The following RBM41 variants were observed in gnomAD, a reference collection of about 807,000 sequenced individuals.
RBM41 encodes RNA-binding protein 41.
Under a neutral mutation model 30.8 loss-of-function variants are expected in RBM41, and 14 were observed. The observed-to-expected ratio is 0.45, with a 90% confidence interval of 0.30 to 0.71. The LOEUF (loss-of-function observed/expected upper bound fraction) is 0.71, where lower values mean the gene tolerates loss of function less well. RBM41 is among the 30% of genes least tolerant of loss of function. RBM41 has a pLI of 0.08. For synonymous variants in RBM41, 120 were observed against 110.1 expected (o/e 1.09, Z -0.56); for missense variants, 276 against 326.3 (o/e 0.85, Z 1.19).
intron 2 of RBM41, 70 bp downstream of exon 2, chrX:107,116,580 G>A: frequency 8.6e-7 from 1 of 1,169,403 alleles, no homozygotes; most frequent in South Asian, 2.0e-5. Context: ...TTCCATCTAG[G>A]CTTTAAGAGA....
chrX:107,069,478 A>C (rs972797180), intron 6 of RBM41, 76 bp from the exon 7 acceptor site: 62 of 1,053,682 alleles, frequency 5.9e-5, no homozygotes, highest in Non-Finnish European at 7.7e-5. Context: ...TTTTTGAGAC[A>C]AAGTCTCACT....
chrX:107,113,390 G>T lies in RBM41; in HGVS notation c.595+7C>A. On this transcript the variant is annotated splice_region_variant and intron_variant, in intron 5 of 7. Coordinates refer to ENST00000685964, the MANE Select transcript of RBM41 (RefSeq NM_001324242.2). ...AGTCTAACACTATAAGAAAACTCTC[G>T]ACTTGCCTTTTGTGCCTAATTTTAT... is the stretch of plus-strand genomic sequence containing the variant. 1 of 982,200 alleles carries T rather than the reference G, an allele frequency of 1.0e-6. No homozygotes were observed. The highest frequency in any genetic ancestry group is 1.3e-6 in the Non-Finnish European group (1 of 755,869). The allele number at this position is 982,200 out of a possible 1,213,427, so 80.9% of individuals were successfully genotyped here. A position where few individuals can be genotyped will look rare whatever the true frequency, so the allele number is the denominator to read the frequency against.
intron 1 of RBM41, 110 bp downstream of exon 1, chrX:107,118,656 C>T (rs1185099618): frequency 9.8e-7 from 1 of 1,020,336 alleles, no homozygotes; most frequent in Non-Finnish European, 1.4e-6. Context: ...CCCACGAAAC[C>T]GCATCCTGAG....
At position 107,063,841 on chromosome X, in the gene RBM41, C is replaced by A. The variant is rs1242167362; in HGVS notation, c.*3686G>T. On this transcript the variant is annotated 3_prime_UTR_variant, in exon 8 of 8. Transcript: ENST00000685964. Reference sequence around the variant, plus strand: ...TTTTCTTCACTCTATTTCATTTATTCTCATCTAATCTTTTATATTTCCTTC... The same window carrying A: ...TTTTCTTCACTCTATTTCATTTATTATCATCTAATCTTTTATATTTCCTTC... Among the ~76,000 whole-genome samples, 2 of 110,543 alleles carry A rather than the reference C, an allele frequency of 1.8e-5. No homozygotes were observed. Among genetic ancestry groups the A allele is most frequent in the African/African-American group, 6.6e-5 (2 of 30,398 alleles).
the RBM41 span, among the ~76,000 whole-genome samples, chrX:107,053,471 G>C: frequency 8.8e-6 from 1 of 113,196 alleles, no homozygotes; most frequent in East Asian, 2.8e-4. Flanking sequence ...GAAACAAGAG[G>C]TCCTACTAAA....
rs902767078 is a variant in RBM41, at chrX:107,067,539, A to G, written c.1302T>C (p.Ile434=). 1 of 1,204,427 alleles carries G rather than the reference A, an allele frequency of 8.3e-7. No homozygotes were observed. The highest frequency in any genetic ancestry group is 1.1e-6 in the Non-Finnish European group (1 of 891,886). Reference sequence around the variant, plus strand: ...ATTTATATATATTCTAGCTACCACTAATTTCTGTAGTGCTACCTGTAGCAC... The same window carrying G: ...ATTTATATATATTCTAGCTACCACTGATTTCTGTAGTGCTACCTGTAGCAC... ...ISCATGSTTE[I]SGS is the part of the protein sequence containing the mutation. Residue 434 remains isoleucine (I), a synonymous_variant, in exon 8 of 8, where the codon ATT becomes ATC. Transcript: ENST00000685964.
rs150637826 is a variant in RBM41, at chrX:107,116,798, C to T, written c.9-32G>A. The stretch of plus-strand genomic sequence containing the variant: ...TAGACATAAGAATATATACAGAAAA[C>T]GGAAGAGACTGTGAGTCTCAAAATA... On this transcript the variant is annotated intron_variant, in intron 1 of 7. Transcript: ENST00000685964. 7.6e-3 allele frequency: 8,793 copies of T among 1,158,714 alleles called. 426 individuals carry two copies. The African/African-American group carries it at 0.14, about 18-fold the overall frequency.
intron 5 of RBM41, among the ~76,000 whole-genome samples, chrX:107,098,145 C>CATTAAAGG (rs1228158039): frequency 5.4e-5 from 6 of 111,525 alleles, no homozygotes; most frequent in Non-Finnish European, 1.1e-4. Flanking sequence ...TACTGAAAGT[C>CATTAAAGG]ATTAAAGGAT....
rs1935853276 is a variant in RBM41 at position 107,066,714 on chromosome X, C to T, written c.*813G>A. ...TTTTCCAGCAACCATAAACAAACAA[C>T]TGGGGGATTTGTGACTGGCATCCTC... is the stretch of plus-strand genomic sequence containing the variant. On this transcript the variant is annotated 3_prime_UTR_variant, in exon 8 of 8. Coordinates refer to ENST00000685964, the MANE Select transcript of RBM41 (RefSeq NM_001324242.2). 1.3e-6 allele frequency: 1 copy of T among 753,215 alleles called. No homozygotes were observed. The highest frequency in any genetic ancestry group is 1.6e-6 in the Non-Finnish European group (1 of 638,476). 62.1% of individuals were successfully genotyped at this position (753,215 alleles called of 1,213,427 possible). A position where few individuals can be genotyped will look rare whatever the true frequency, so the allele number is the denominator to read the frequency against.
At chrX:107,078,722 C>T (rs1921223920) in intron 6 of RBM41, among the ~76,000 whole-genome samples, 1 of 109,280 alleles carries the variant, frequency 9.2e-6, no homozygotes, top group Admixed American at 9.7e-5. Context: ...GAAATATCCC[C>T]AATGTCAAAA....
chrX:107,065,618 G>C lies in RBM41; in HGVS notation c.*1909C>G. The C allele has an allele frequency of 4.0e-6, 2 of 504,662 alleles. No individual in the cohort carries two copies. The highest frequency in any genetic ancestry group is 5.9e-6 in the Non-Finnish European group (2 of 337,780). 41.6% of individuals were successfully genotyped at this position (504,662 alleles called of 1,213,427 possible). A position where few individuals can be genotyped will look rare whatever the true frequency, so the allele number is the denominator to read the frequency against. On this transcript the variant is annotated 3_prime_UTR_variant, in exon 8 of 8. Transcript: ENST00000685964. ...ATCTTTAAAAGAAGCTGAGAGAAGAGTAAGTATATGTTTATAGTTTTTTTA... is the reference window on the plus strand; with the variant it reads ...ATCTTTAAAAGAAGCTGAGAGAAGACTAAGTATATGTTTATAGTTTTTTTA...
At chrX:107,078,579 A>G (rs1217802181) in intron 6 of RBM41, among the ~76,000 whole-genome samples, 1 of 111,047 alleles carries the variant, frequency 9.0e-6, no homozygotes, top group African/African-American at 3.3e-5. Flanking sequence ...ATGTCAAAAA[A>G]CAACATAAAA....
At chrX:107,109,766 T>A (rs1483561407) in intron 5 of RBM41, among the ~76,000 whole-genome samples, 1 of 111,446 alleles carries the variant, frequency 9.0e-6, no homozygotes, top group Admixed American at 9.5e-5. Flanking sequence ...AAACACTGAT[T>A]TTATTTTACT....
At chrX:107,068,780 T>C (rs1203301254) in intron 7 of RBM41, among the ~76,000 whole-genome samples, 1 of 112,198 alleles carries the variant, frequency 8.9e-6, no homozygotes, top group Non-Finnish European at 1.9e-5. Flanking sequence ...TCCAGTTGGA[T>C]TAGAAGCTAT....
At chrX:107,072,037 T>C (rs1170034568) in intron 6 of RBM41, among the ~76,000 whole-genome samples, 2 of 111,587 alleles carry the variant, frequency 1.8e-5, no homozygotes, top group Admixed American at 9.5e-5. Context: ...ATCAGTAGAA[T>C]GGGGAAAAGC....
rs757447735 is a variant in RBM41, at chrX:107,083,835, C to G, written c.999+4601G>C. Among the ~76,000 whole-genome samples the G allele has an allele frequency of 3.6e-5, 4 of 110,092 alleles. No individual in the cohort carries two copies. In the South Asian group the frequency reaches 1.5e-3, roughly 42 times the overall value. On this transcript the variant is annotated intron_variant, in intron 6 of 7. Coordinates refer to ENST00000685964, the MANE Select transcript of RBM41 (RefSeq NM_001324242.2). The stretch of plus-strand genomic sequence containing the variant: ...TTCATAGCCTACTTAGTATATTAAT[C>G]GTGGTTATTTTAAATTCCATATCTG...
intron 6 of RBM41, among the ~76,000 whole-genome samples, chrX:107,081,664 T>C (rs936466791): frequency 8.9e-5 from 10 of 112,430 alleles, no homozygotes; most frequent in African/African-American, 3.2e-4. Context: ...TCTGTGTTTA[T>C]TTAGATCTTA....
chrX:107,113,786 C>T (rs1257725583), intron 4 of RBM41, among the ~76,000 whole-genome samples: 2 of 111,894 alleles, frequency 1.8e-5, no homozygotes, highest in Non-Finnish European at 3.8e-5. Context: ...AAAGGTTATT[C>T]ATTTGTTCAT....
intron 6 of RBM41, chrX:107,070,423 G>A (rs1936014098): frequency 3.3e-6 from 1 of 305,261 alleles, no homozygotes; most frequent in African/African-American, 2.7e-5. Context: ...AAACTGGTAA[G>A]TCCTAGGAGG....
Sources: gnomAD v4.1 joint callset for allele counts (sites outside exome capture counted in the v4.1 genomes callset) on GRCh38, gnomAD v4.1.1 for gene constraint, MANE v1.5 for transcripts, NCBI Gene and HGNC (gene_info 2026-07-23, HGNC 2026-07-21) for gene names.